RERE: variants seen among roughly 807,000 people sequenced by gnomAD.
RERE encodes the protein arginine-glutamic acid dipeptide repeats.
Under a neutral mutation model 146.1 loss-of-function variants are expected in RERE, and 40 were observed. That is an observed-to-expected ratio of 0.27 (90% CI 0.21 to 0.36). The LOEUF (loss-of-function observed/expected upper bound fraction) is 0.36, where lower values mean the gene tolerates loss of function less well. Ranked by LOEUF, RERE falls within the 10% of genes least tolerant of loss-of-function variation. RERE has a pLI of 1.00. For synonymous variants in RERE, 1,003 were observed against 866.0 expected, an observed-to-expected ratio of 1.16 and a Z score of -2.78; for missense variants, 1,933 against 2,138.7, an observed-to-expected ratio of 0.90 and a Z score of 1.90.
intron 3 of RERE, among the ~76,000 whole-genome samples, chr1:8,618,579 T>A (rs1386117134): frequency 6.6e-6 from 1 of 152,230 alleles, no homozygotes; most frequent in Admixed American, 6.5e-5. Context: ...ATTCCGTGAA[T>A]GTCCATACAC....
chr1:8,786,270 G>A (rs1641257317), intron 1 of RERE: 1 of 990,502 alleles, frequency 1.0e-6, no homozygotes, highest in African/African-American at 1.6e-5. Flanking sequence ...TACAAAATGG[G>A]TGGTTTTTCT....
rs1368910222 is a variant in RERE, at chr1:8,353,694, C to G, written c.*1393G>C. On this transcript the variant is annotated 3_prime_UTR_variant, in exon 23 of 23. Coordinates refer to ENST00000400908, the MANE Select transcript of RERE (RefSeq NM_001042681.2). ...GGCCTCCTGAGAAGCAGCCCCCACA[C>G]AGCATGCTTTCTGAATGCACTGTGG... is the stretch of plus-strand genomic sequence containing the variant. The G allele has an allele frequency of 6.6e-6, 1 of 152,274 alleles. No homozygotes were observed. Among genetic ancestry groups the G allele is most frequent in the African/African-American group, 2.4e-5 (1 of 41,452 alleles). 9.4% of individuals were successfully genotyped at this position (152,274 alleles called of 1,614,324 possible). A position where few individuals can be genotyped will look rare whatever the true frequency, so the allele number is the denominator to read the frequency against.
chr1:8,558,076 T>C (rs1460453801), intron 4 of RERE, among the ~76,000 whole-genome samples: 1 of 152,178 alleles, frequency 6.6e-6, no homozygotes, highest in Non-Finnish European at 1.5e-5. Context: ...CAAATGAATA[T>C]AGCGAAGAAT....
At chr1:8,805,291 T>C (rs914899119) in intron 1 of RERE, among the ~76,000 whole-genome samples, 7 of 152,052 alleles carry the variant, frequency 4.6e-5, no homozygotes, top group Non-Finnish European at 7.4e-5. Context: ...GGTGGGCGGA[T>C]TGTCTGAGGT....
Position 8,541,303 on chromosome 1 carries a change from G to A in RERE, c.741C>T (p.Ile247=). The change falls in exon 7 of 23, where the codon ATC becomes ATT. Residue 247 remains isoleucine (I), a synonymous_variant. Transcript: ENST00000400908. ...HAAALRGKCN[I]SHFSDIFAAR... The stretch of plus-strand genomic sequence containing the variant: ...CAGCAAATATGTCAGAAAAATGGGA[G>A]ATGTTACACTTCCCTCTGGGAAAAA... 6.2e-7 allele frequency: 1 copy of A among 1,605,494 alleles called. No homozygotes were observed. The highest frequency in any genetic ancestry group is 1.1e-5 in the South Asian group (1 of 90,442).
chr1:8,364,763 C>T lies in RERE; in HGVS notation c.1523G>A (p.Arg508His), dbSNP rs377669269. ...SEQELKGYAC[R>H]HCFTTTSKDW... ...CCACTTACTGGTGGTGAAGCAGTGG[C>T]GGCAGGCGTACCCCTTCAGCTCCTG... The change falls in exon 14 of 23, where the codon CGC (arginine) becomes CAC (histidine). Residue 508 changes from arginine to histidine, a missense_variant. Physicochemically the swap from Arg to His is conservative, Grantham distance 29. Coordinates refer to ENST00000400908, the MANE Select transcript of RERE (RefSeq NM_001042681.2). The surrounding 1 kb of genome is among the most constrained non-coding windows in gnomAD (Gnocchi z 5.1). The T allele has an allele frequency of 1.3e-5, 21 of 1,613,762 alleles. No homozygotes were observed. Among genetic ancestry groups the T allele is most frequent in the Non-Finnish European group, 1.6e-5 (19 of 1,179,802 alleles).
chr1:8,774,466 G>A (rs1641020131), intron 1 of RERE, among the ~76,000 whole-genome samples: 1 of 147,050 alleles, frequency 6.8e-6, no homozygotes, highest in Non-Finnish European at 1.5e-5. Context: ...CGATTCTCCT[G>A]CCTCAGCCTC....
chr1:8,740,678 A>C (rs550542740), intron 1 of RERE, among the ~76,000 whole-genome samples: 21 of 152,124 alleles, frequency 1.4e-4, no homozygotes, highest in Non-Finnish European at 2.6e-4. Flanking sequence ...TAACTTTTTT[A>C]ATGTTTTTGT....
chr1:8,388,961 C>A (rs919444261), intron 12 of RERE, among the ~76,000 whole-genome samples: 1 of 152,206 alleles, frequency 6.6e-6, no homozygotes, highest in Admixed American at 6.5e-5. Context: ...CAGGGATACT[C>A]CCACTTGGGA....
chr1:8,442,791 A>T (rs889806838), intron 11 of RERE, among the ~76,000 whole-genome samples: 3 of 152,226 alleles, frequency 2.0e-5, no homozygotes, highest in Admixed American at 2.0e-4. Flanking sequence ...TTCTTAAAAG[A>T]CTGGTTAAAT....
At chr1:8,744,243 G>A (rs115101845) in intron 1 of RERE, among the ~76,000 whole-genome samples, 1 of 152,114 alleles carries the variant, frequency 6.6e-6, no homozygotes, top group East Asian at 1.9e-4. Context: ...GCTCACGTAC[G>A]TTTTAACAAA....
chr1:8,360,287 C>A lies in RERE; in HGVS notation c.3220G>T (p.Ala1074Ser), dbSNP rs752625239. 1.9e-6 allele frequency: 3 copies of A among 1,560,254 alleles called. No individual in the cohort carries two copies. The highest frequency in any genetic ancestry group is 2.7e-5 in the African/African-American group (2 of 73,538). Residue 1074 changes from alanine (A) to serine (S), a missense_variant, in exon 18 of 23, where the codon GCG becomes TCG. Ala to Ser is a moderately conservative substitution (Grantham distance 99, BLOSUM62 1). Coordinates refer to ENST00000400908, the MANE Select transcript of RERE (RefSeq NM_001042681.2). ...TSAQPPCSGA[A>S]ASGGSIAGGS... ...CCCGCTATGCTGCCTCCTGAAGCCG[C>A]CGCACCAGAGCAGGGTGGCTGGGCC...
intron 7 of RERE, among the ~76,000 whole-genome samples, chr1:8,538,261 T>C (rs757717038): frequency 1.3e-5 from 2 of 152,190 alleles, no homozygotes; most frequent in Non-Finnish European, 2.9e-5. Context: ...AGAGTCAGCA[T>C]ACAGTACACT....
At chr1:8,635,701 C>G (rs1480049072) in intron 2 of RERE, among the ~76,000 whole-genome samples, 1 of 151,984 alleles carries the variant, frequency 6.6e-6, no homozygotes, top group Non-Finnish European at 1.5e-5. Flanking sequence ...TATGAAAGAC[C>G]CTTTGTCTTA....
intron 1 of RERE, among the ~76,000 whole-genome samples, chr1:8,719,152 T>C (rs1220439248): frequency 2.0e-5 from 3 of 151,968 alleles, no homozygotes; most frequent in Middle Eastern, 3.2e-3. Flanking sequence ...TGGGAAGGAG[T>C]GTGTCCGGAC....
chr1:8,443,146 C>T (rs1341624339), intron 11 of RERE, among the ~76,000 whole-genome samples: 1 of 152,194 alleles, frequency 6.6e-6, no homozygotes, highest in Non-Finnish European at 1.5e-5. Context: ...GGAACATTTG[C>T]ACCCTGGCAA....
intron 4 of RERE, among the ~76,000 whole-genome samples, chr1:8,614,086 T>C (rs909883503): frequency 2.0e-5 from 3 of 152,156 alleles, no homozygotes; most frequent in African/African-American, 7.2e-5. Context: ...AAGGGCATAT[T>C]CTGCATCTAG....
At chr1:8,803,352 C>T (rs1641623958) in intron 1 of RERE, among the ~76,000 whole-genome samples, 1 of 152,050 alleles carries the variant, frequency 6.6e-6, no homozygotes, top group African/African-American at 2.4e-5. Flanking sequence ...CCTGTAAGGT[C>T]CCAGCTACTC....
At chr1:8,363,683 A>T (rs539903500) in intron 15 of RERE, 366 of 221,258 alleles carry the variant, frequency 1.7e-3, no homozygotes, top group African/African-American at 8.2e-3. Flanking sequence ...TCAAACATTT[A>T]AAAAAAATCA....
Sources: gnomAD v4.1 joint callset for allele counts (sites outside exome capture counted in the v4.1 genomes callset) on GRCh38, gnomAD v4.1.1 for gene constraint, Gnocchi (gnomAD v3.1) non-coding constraint, MANE v1.5 for transcripts, NCBI Gene and HGNC (gene_info 2026-07-23, HGNC 2026-07-21) for gene names.